Variants in OPCML observed in about 807,000 individuals in gnomAD.
OPCML encodes the protein opioid-binding protein/cell adhesion molecule.
OPCML carries 13 observed loss-of-function variants against 37.8 expected under a neutral mutation model. The observed-to-expected ratio is 0.34, with a 90% CI of 0.22 to 0.55. The LOEUF is 0.55. OPCML is among the 20% of genes least tolerant of loss of function. The pLI is 0.91. For missense variants in OPCML, 341 were observed against 435.6 expected, an observed-to-expected ratio of 0.78 and a Z score of 1.93; for synonymous variants, 176 against 168.8, an observed-to-expected ratio of 1.04 and a Z score of -0.33.
intron 1 of OPCML, among the ~76,000 whole-genome samples, chr11:133,465,412 A>G (rs560936347): frequency 6.6e-6 from 1 of 152,260 alleles, no homozygotes; most frequent in African/African-American, 2.4e-5. Context: ...GGATTAGGAC[A>G]TTTTGGGGTG....
chr11:132,493,721 C>G (rs770817024), intron 4 of OPCML, among the ~76,000 whole-genome samples: 2 of 152,182 alleles, frequency 1.3e-5, no homozygotes, highest in African/African-American at 4.8e-5. Flanking sequence ...AGAGCCTTTC[C>G]GTTTTTATTA....
At chr11:133,442,479 TTA>T (rs1346248220) in intron 1 of OPCML, among the ~76,000 whole-genome samples, 1 of 152,118 alleles carries the variant, frequency 6.6e-6, no homozygotes, top group Non-Finnish European at 1.5e-5. Context: ...GCAAAGACAT[TTA>T]CAAAAGAATG....
Position 132,488,957 on chromosome 11 carries a change from G to T in OPCML, c.505+40104C>A, listed in dbSNP as rs1286260688. Among the ~76,000 whole-genome samples, 6 of 152,294 alleles carry T rather than the reference G, an allele frequency of 3.9e-5. No individual in the cohort carries two copies. In the East Asian group the frequency reaches 1.2e-3, roughly 29 times the overall value. On this transcript the variant is annotated intron_variant, in intron 4 of 7. Transcript: ENST00000524381. ...AACCCTGTTGGAATTTTCGAGGGTG[G>T]CTCCAGGACAGCCAGCTGGTGACCA...
chr11:132,474,370 C>T (rs1474409307), intron 4 of OPCML, among the ~76,000 whole-genome samples: 1 of 152,088 alleles, frequency 6.6e-6, no homozygotes, highest in Non-Finnish European at 1.5e-5. Context: ...AATTGGACCT[C>T]TTCACATAGG....
At chr11:133,323,391 C>A (rs1322318817) in intron 1 of OPCML, among the ~76,000 whole-genome samples, 1 of 152,168 alleles carries the variant, frequency 6.6e-6, no homozygotes, top group Admixed American at 6.5e-5. Flanking sequence ...TGAAACAAAT[C>A]TGAATGTAAA....
chr11:133,448,910 A>C (rs1375224526), intron 1 of OPCML, among the ~76,000 whole-genome samples: 2 of 152,244 alleles, frequency 1.3e-5, no homozygotes, highest in Non-Finnish European at 2.9e-5. Flanking sequence ...TCTACTGCCA[A>C]ATTTGTAATC....
At chr11:132,506,128 G>T (rs543549626) in intron 4 of OPCML, among the ~76,000 whole-genome samples, 1 of 152,196 alleles carries the variant, frequency 6.6e-6, no homozygotes, top group Non-Finnish European at 1.5e-5. Context: ...AACCACAGGA[G>T]TTTTAAGGGT....
intron 2 of OPCML, among the ~76,000 whole-genome samples, chr11:132,863,833 G>A (rs888286998): frequency 8.5e-5 from 13 of 152,284 alleles, no homozygotes; most frequent in Non-Finnish European, 1.2e-4. Flanking sequence ...TGACCTTTGC[G>A]TCCAATCCTA....
Position 132,731,826 on chromosome 11 carries a change from T to G in OPCML, c.147-74507A>C, listed in dbSNP as rs540237745. On this transcript the variant is annotated intron_variant, in intron 2 of 7. Transcript: ENST00000524381. ...TAAGTCATGGCAAAAAGAAATACAA[T>G]TGTCAACTGCATGTAGGAAATGCAA... Among the ~76,000 whole-genome samples the G allele has an allele frequency of 3.3e-5, 5 of 152,194 alleles. No individual in the cohort carries two copies. In the South Asian group the frequency reaches 1.0e-3, roughly 32 times the overall value.
At chr11:133,082,296 G>A (rs1205201565) in intron 1 of OPCML, among the ~76,000 whole-genome samples, 1 of 151,524 alleles carries the variant, frequency 6.6e-6, no homozygotes, top group African/African-American at 2.4e-5. Flanking sequence ...TTGGGTAGGC[G>A]AGCCGGGCTC....
chr11:133,242,868 C>T (rs4578395), intron 1 of OPCML, among the ~76,000 whole-genome samples: 100,463 of 152,128 alleles, frequency 0.66, 34,977 homozygotes, highest in East Asian at 0.91. Flanking sequence ...TATACATGTG[C>T]TTGTGATTGT....
At position 133,138,751 on chromosome 11, in the gene OPCML, G is replaced by C. The variant is rs921654709; in HGVS notation, c.62-195741C>G. On this transcript the variant is annotated intron_variant, in intron 1 of 7. Transcript: ENST00000524381. ...TTACTGGTTCCAAAGCTGCGTCTTA[G>C]AGCGAACCCTCTCTAAGACCCTCAG... Among the ~76,000 whole-genome samples the C allele has an allele frequency of 2.0e-5, 3 of 152,234 alleles. No homozygotes were observed. The East Asian group carries it at 5.8e-4, about 30-fold the overall frequency.
In OPCML at chr11:133,205,905, G is replaced by T. The variant is rs541222411; in HGVS notation, c.62-262895C>A. 6.6e-6 allele frequency among the ~76,000 whole-genome samples: 1 copy of T among 152,192 alleles called. No homozygotes were observed. The highest frequency in any genetic ancestry group is 6.5e-5 in the Admixed American group (1 of 15,284). ...AGTGCAATGGCAAAGTGGGGGCCAG[G>T]GTTCACAATCTGTCTCCAAATCCCA... On this transcript the variant is annotated intron_variant, in intron 1 of 7. Transcript: ENST00000524381. This position sits in a 1 kb window ranked among gnomAD's most constrained non-coding sequence, Gnocchi z 4.8.
chr11:133,106,733 G>A (rs1326523982), intron 1 of OPCML, among the ~76,000 whole-genome samples: 1 of 152,174 alleles, frequency 6.6e-6, no homozygotes, highest in Non-Finnish European at 1.5e-5. Flanking sequence ...CTTAGGATGG[G>A]GGAGTGGAGA....
At chr11:132,980,352 A>C (rs891762926) in intron 1 of OPCML, among the ~76,000 whole-genome samples, 1 of 152,246 alleles carries the variant, frequency 6.6e-6, no homozygotes, top group African/African-American at 2.4e-5. Flanking sequence ...TGAAAGAAGA[A>C]TTTAAGTTTG....
intron 1 of OPCML, among the ~76,000 whole-genome samples, chr11:132,962,315 C>T (rs552881468): frequency 5.3e-5 from 8 of 152,208 alleles, no homozygotes; most frequent in Non-Finnish European, 1.0e-4. Context: ...GGCCCGGGCT[C>T]TCTCTGCCTG....
intron 1 of OPCML, among the ~76,000 whole-genome samples, chr11:133,175,484 G>GAAAAAAAAAAA (rs5795829): frequency 1.5e-5 from 2 of 137,612 alleles, no homozygotes. Flanking sequence ...GAGAAAAATA[G>GAAAAAAAAAAA]AAAAAAAAAA....
rs1947004409 is a variant in OPCML, at chr11:133,001,549, C to CAAAG, written c.62-58543_62-58540dup. ...TCCAGGCCAAGCCTTTCTTGCTAGC[C>CAAAG]AAAGCCCAGCCAATAACTGACTGTT... On this transcript the variant is annotated intron_variant, in intron 1 of 7. Coordinates refer to ENST00000524381, the MANE Select transcript of OPCML (RefSeq NM_001012393.5). Among the ~76,000 whole-genome samples, 7 of 152,190 alleles carry CAAAG rather than the reference C, an allele frequency of 4.6e-5. No individual in the cohort carries two copies. In the South Asian group the frequency reaches 1.5e-3, roughly 32 times the overall value.
At position 133,164,840 on chromosome 11, in the gene OPCML, G is replaced by T. The variant is rs529878038; in HGVS notation, c.62-221830C>A. Among the ~76,000 whole-genome samples the T allele has an allele frequency of 3.9e-5, 6 of 152,270 alleles. 1 individual carries two copies. In the South Asian group the frequency reaches 1.2e-3, roughly 32 times the overall value. ...GATCCCTTGCCTTACATAAAACATT[G>T]ACATAGAATTCCAAACCAAACTGCA... On this transcript the variant is annotated intron_variant, in intron 1 of 7. Transcript: ENST00000524381.
Sources: allele counts gnomAD v4.1 joint callset (sites outside exome capture counted in the v4.1 genomes callset), GRCh38; gene constraint gnomAD v4.1.1; non-coding constraint Gnocchi (gnomAD v3.1); transcripts MANE v1.5; gene names NCBI Gene and HGNC (gene_info 2026-07-23, HGNC 2026-07-21).